Variants in DYSF observed in about 807,000 individuals in gnomAD.
DYSF encodes dystrophy-associated fer-1-like 1.
DYSF carries 212 observed loss-of-function variants against 274.9 expected under a neutral mutation model. That is an observed-to-expected ratio of 0.77 (90% CI 0.69 to 0.86). DYSF has a LOEUF of 0.86. Among genes scored for constraint, DYSF ranks in the 40% least tolerant of loss-of-function variants. The probability of loss-of-function intolerance (pLI) is 0.00; values close to 1 mark genes in which losing one functional copy is unlikely to be tolerated. For synonymous variants in DYSF, 1,091 were observed against 1,078.7 expected, an observed-to-expected ratio of 1.01 and a Z score of -0.22; for missense variants, 2,666 against 2,783.2, an observed-to-expected ratio of 0.96 and a Z score of 0.95.
intron 41 of DYSF, among the ~76,000 whole-genome samples, chr2:71,634,486 C>T (rs114214452): frequency 0.02 from 3,100 of 152,108 alleles, 113 homozygotes; most frequent in African/African-American, 0.068. Flanking sequence ...CTGGACTTCC[C>T]GGGGAAGAGA....
At position 71,487,136 on chromosome 2, in the gene DYSF, C is replaced by A. The variant is rs572298658; in HGVS notation, c.239+5166C>A. Reference sequence around the variant, plus strand: ...AGAGCCACTGATCTGGACTCTAGACCAGCACTGCCCACTAGAACTTTCTGA... The same window carrying A: ...AGAGCCACTGATCTGGACTCTAGACAAGCACTGCCCACTAGAACTTTCTGA... On this transcript the variant is annotated intron_variant, in intron 3 of 55. Transcript: ENST00000410020. Among the ~76,000 whole-genome samples the A allele has an allele frequency of 4.6e-5, 7 of 152,304 alleles. No homozygotes were observed. The East Asian group carries it at 1.3e-3, about 29-fold the overall frequency.
At chr2:71,482,528 T>C (rs1394218712) in intron 3 of DYSF, among the ~76,000 whole-genome samples, 3 of 151,928 alleles carry the variant, frequency 2.0e-5, no homozygotes, top group Admixed American at 6.5e-5. Flanking sequence ...TTCATGTACC[T>C]AGTGGTGGGT....
In DYSF at chr2:71,582,106, C is replaced by CAA. The variant is rs1159294834; in HGVS notation, c.3403-7461_3403-7460dup. 3.7e-3 allele frequency among the ~76,000 whole-genome samples: 128 copies of CAA among 35,044 alleles called. 12 individuals are homozygous for CAA. The highest frequency in any genetic ancestry group is 6.2e-3 in the African/African-American group (65 of 10,506). The allele number at this position is 35,044 out of a possible 152,430, so 23.0% of individuals were successfully genotyped here. A position where few individuals can be genotyped will look rare whatever the true frequency, so the allele number is the denominator to read the frequency against. ...TGGGAGACAGAAGGAGACTCCGTCT[C>CAA]AAAAAAAAAAAAAAAAAAAAAAAAA... On this transcript the variant is annotated intron_variant, in intron 30 of 55. Coordinates refer to ENST00000410020, the MANE Select transcript of DYSF (RefSeq NM_001130987.2).
intron 1 of DYSF, among the ~76,000 whole-genome samples, chr2:71,478,366 C>T (rs908861069): frequency 1.3e-5 from 2 of 151,982 alleles, no homozygotes; most frequent in African/African-American, 2.4e-5. Flanking sequence ...TGCCAGCCAC[C>T]ATGCCCGGCT....
chr2:71,484,449 A>G (rs1463240059), intron 3 of DYSF, among the ~76,000 whole-genome samples: 2 of 152,236 alleles, frequency 1.3e-5, no homozygotes, highest in Admixed American at 1.3e-4. Context: ...GGCATAATGT[A>G]TAACAATCAA....
chr2:71,621,088 A>G (rs1402785961), intron 41 of DYSF, among the ~76,000 whole-genome samples: 1 of 152,072 alleles, frequency 6.6e-6, no homozygotes, highest in Non-Finnish European at 1.5e-5. Flanking sequence ...CTGCTCCTGC[A>G]GTTTCCAGCA....
chr2:71,454,635 C>G (rs2080975868), intron 1 of DYSF, among the ~76,000 whole-genome samples: 1 of 152,196 alleles, frequency 6.6e-6, no homozygotes, highest in African/African-American at 2.4e-5. Context: ...CTGGGCACAG[C>G]TGTCACAGCA....
At chr2:71,498,925 T>C (rs755204152) in intron 3 of DYSF, among the ~76,000 whole-genome samples, 1 of 152,250 alleles carries the variant, frequency 6.6e-6, no homozygotes, top group Non-Finnish European at 1.5e-5. Flanking sequence ...TGTATTTTGT[T>C]GGACATACTA....
rs758992291 is a variant in DYSF at position 71,664,425 on chromosome 2, C to T, written c.5161C>T (p.Gln1721Ter). The change falls in exon 46 of 56, where the codon CAG (glutamine) becomes TAG (stop). Residue 1721 changes from glutamine to a stop codon, truncating the protein, a stop_gained. Transcript: ENST00000410020. LOFTEE classifies it high-confidence loss of function. The stretch of plus-strand genomic sequence containing the variant: ...GTTTGGGGCTCGCTGTGGACTCCCA[C>T]AGACCTACTGTGTGTACGTGGATGG... ...SKFGARCGLP[Q>*]TYCVSGPNQW... 6.2e-7 allele frequency: 1 copy of T among 1,614,176 alleles called. No individual in the cohort carries two copies. The highest frequency in any genetic ancestry group is 1.1e-5 in the South Asian group (1 of 91,086).
chr2:71,644,311 T>C (rs144729339), intron 42 of DYSF, among the ~76,000 whole-genome samples: 2 of 152,280 alleles, frequency 1.3e-5, no homozygotes, highest in East Asian at 3.9e-4. Flanking sequence ...TGGAAGTGTT[T>C]AGAGGTGAAA....
At chr2:71,652,857 A>G (rs1394249905) in intron 42 of DYSF, among the ~76,000 whole-genome samples, 1 of 152,236 alleles carries the variant, frequency 6.6e-6, no homozygotes, top group African/African-American at 2.4e-5. Flanking sequence ...TTGGCATATG[A>G]CACAAGTCAT....
rs532732577 is a variant in DYSF at position 71,487,147 on chromosome 2, A to G, written c.239+5177A>G. ...TCTGGACTCTAGACCAGCACTGCCC[A>G]CTAGAACTTTCTGAGATGATGGAAA... On this transcript the variant is annotated intron_variant, in intron 3 of 55. Coordinates refer to ENST00000410020, the MANE Select transcript of DYSF (RefSeq NM_001130987.2). 4.6e-5 allele frequency among the ~76,000 whole-genome samples: 7 copies of G among 152,230 alleles called. No individual in the cohort carries two copies. In the South Asian group the frequency reaches 1.2e-3, roughly 27 times the overall value.
rs777984362 is a variant in DYSF, at chr2:71,664,435, G to C, written c.5171G>C (p.Cys1724Ser). The C allele has an allele frequency of 1.9e-6, 3 of 1,614,142 alleles. No homozygotes were observed. The highest frequency in any genetic ancestry group is 4.5e-5 in the East Asian group (2 of 44,884). The change falls in exon 46 of 56, where the codon TGT becomes TCT. Residue 1724 changes from cysteine to serine, a missense_variant. Transcript: ENST00000410020. ...CGCTGTGGACTCCCACAGACCTACT[G>C]TGTGTACGTGGATGGGGGCTGGCTG... is the stretch of plus-strand genomic sequence containing the variant. ...GARCGLPQTY[C>S]VSGPNQWRDQ...
Position 71,503,318 on chromosome 2 carries a change from G to C in DYSF, c.344G>C (p.Gly115Ala), listed in dbSNP as rs779087093. The change falls in exon 4 of 56, where the codon GGG (glycine) becomes GCG (alanine). Residue 115 changes from glycine (G) to alanine (A), a missense_variant and splice_region_variant. Gly to Ala is a moderately conservative substitution (Grantham distance 60). Transcript: ENST00000410020. The stretch of plus-strand genomic sequence containing the variant: ...CTGGACACCAAGAAGCAGCCCACAG[G>C]GGTAAGTGCCCATCAGCCTCTGCCA... The part of the protein sequence containing the change: ...PLLDTKKQPT[G>A]ASLVLQVSYT... The C allele has an allele frequency of 3.8e-5, 62 of 1,614,008 alleles. No individual in the cohort carries two copies. Among genetic ancestry groups the C allele is most frequent in the Non-Finnish European group, 4.5e-5 (53 of 1,179,984 alleles).
In DYSF at chr2:71,571,756, C is replaced by G. The variant is rs577777959; in HGVS notation, c.3228+1015C>G. ...GCACACACACAGATCACAGTCAGCA[C>G]ACACAGATCACACCCAGCACACACA... is the stretch of plus-strand genomic sequence containing the variant. On this transcript the variant is annotated intron_variant, in intron 29 of 55. Coordinates refer to ENST00000410020, the MANE Select transcript of DYSF (RefSeq NM_001130987.2). 4.3e-4 allele frequency among the ~76,000 whole-genome samples: 63 copies of G among 145,060 alleles called. 2 individuals carry two copies. The highest frequency in any genetic ancestry group is 1.6e-3 in the African/African-American group (61 of 38,088).
rs370159354 is a variant in DYSF at position 71,487,273 on chromosome 2, C to A, written c.239+5303C>A. On this transcript the variant is annotated intron_variant, in intron 3 of 55. Transcript: ENST00000410020. ...ATTAATTCCACGTGGCTAGTGGCTA[C>A]TGTGTTGGACAGAGCAGCTTTAGAT... Among the ~76,000 whole-genome samples, 8 of 152,278 alleles carry A rather than the reference C, an allele frequency of 5.3e-5. No homozygotes were observed. The East Asian group carries it at 1.5e-3, about 29-fold the overall frequency.
chr2:71,635,579 C>T (rs1293951970), intron 41 of DYSF, among the ~76,000 whole-genome samples: 4 of 151,938 alleles, frequency 2.6e-5, no homozygotes, highest in Admixed American at 6.6e-5. Context: ...GAAACCCCAT[C>T]TCTACTAAAA....
In DYSF at chr2:71,611,468, C is replaced by G; in HGVS notation, c.4063C>G (p.Leu1355Val). 1.2e-6 allele frequency: 2 copies of G among 1,614,154 alleles called. No individual in the cohort carries two copies. The highest frequency in any genetic ancestry group is 2.2e-5 in the South Asian group (2 of 91,084). Residue 1355 changes from leucine (L) to valine (V), a missense_variant, in exon 38 of 56, where the codon CTG becomes GTG. This residue lies in a region of DYSF where 1,460 missense variants were observed against 1,502.1 expected (regional missense o/e 0.97). Transcript: ENST00000410020. Reference protein sequence around the residue: ...PALQRTAIEILAWGLRNMKSY... With the variant: ...PALQRTAIEIVAWGLRNMKSY... ...TCTCCTCATTCTGTGTGCTTAGATC[C>G]TGGCATGGGGCCTGCGGAACATGAA...
At chr2:71,659,080 T>A in intron 44 of DYSF, 47 bp downstream of exon 44, 1 of 1,613,210 alleles carries the variant, frequency 6.2e-7, no homozygotes. Context: ...CAGGCTCAGG[T>A]ACAAGTGGCC....
Sources: gnomAD v4.1 joint callset for allele counts (sites outside exome capture counted in the v4.1 genomes callset) on GRCh38, gnomAD v4.1.1 for gene constraint, gnomAD v4.1.1 regional missense constraint, MANE v1.5 for transcripts, NCBI Gene and HGNC (gene_info 2026-07-23, HGNC 2026-07-21) for gene names.